WNK2: variants seen among roughly 807,000 people sequenced by gnomAD.
WNK2 encodes the protein WNK lysine deficient protein kinase 2.
A neutral mutation model predicts 192.1 loss-of-function variants in WNK2; 67 were observed. The observed-to-expected ratio is 0.35, with a 90% CI of 0.29 to 0.43. The LOEUF (loss-of-function observed/expected upper bound fraction) is 0.43, where lower values mean the gene tolerates loss of function less well. Among genes scored for constraint, WNK2 ranks in the 20% least tolerant of loss-of-function variants. WNK2 has a pLI of 1.00. For synonymous variants in WNK2, 1,439 were observed against 1,393.9 expected (o/e 1.03, Z -0.72); for missense variants, 2,698 against 3,089.7 (o/e 0.87, Z 3.01).
rs1362890901 is a variant in WNK2 at position 93,239,074 on chromosome 9, T to C, written c.1323-683T>C. Among the ~76,000 whole-genome samples, 1 of 152,198 alleles carries C rather than the reference T, an allele frequency of 6.6e-6. No homozygotes were observed. The highest frequency in any genetic ancestry group is 2.4e-5 in the African/African-American group (1 of 41,450). ...TCCATTTATAGGGTAAAGGGGGTTATAGGTTAGTGGTTAGGGAGGCTTCTT... is the reference window on the plus strand; with the variant it reads ...TCCATTTATAGGGTAAAGGGGGTTACAGGTTAGTGGTTAGGGAGGCTTCTT... On this transcript the variant is annotated intron_variant, in intron 6 of 29. Coordinates refer to ENST00000427277, the MANE Select transcript of WNK2 (RefSeq NM_006648.4). The surrounding 1 kb of genome is among the most constrained non-coding windows in gnomAD (Gnocchi z 4.2).
rs1845401859 is a variant in WNK2 at position 93,267,781 on chromosome 9, A to C, written c.3732A>C (p.Glu1244Asp). The C allele has an allele frequency of 6.2e-7, 1 of 1,609,660 alleles. No homozygotes were observed. The change falls in exon 17 of 30, where the codon GAA becomes GAC. Residue 1244 changes from glutamate (E) to aspartate (D), a missense_variant. This residue lies in a region of WNK2 where 1,098 missense variants were observed against 1,101.0 expected (regional missense o/e 1.00). Coordinates refer to ENST00000427277, the MANE Select transcript of WNK2 (RefSeq NM_006648.4). Reference protein sequence around the residue: ...EHDFILQAERETFIEQMKDVM... With the variant: ...EHDFILQAERDTFIEQMKDVM... ...ACTTTATCCTGCAGGCCGAGCGGGA[A>C]ACGTTCATCGAGCAGATGAAGGATG...
chr9:93,285,517 G>A (rs991735679), intron 19 of WNK2, among the ~76,000 whole-genome samples: 3 of 152,056 alleles, frequency 2.0e-5, no homozygotes, highest in East Asian at 1.9e-4. Flanking sequence ...TGAATCTAAC[G>A]AAAAGTATGT....
At chr9:93,200,601 G>T (rs1483946705) in intron 2 of WNK2, among the ~76,000 whole-genome samples, 3 of 152,192 alleles carry the variant, frequency 2.0e-5, no homozygotes, top group Admixed American at 6.5e-5. Flanking sequence ...AGTGAACTTG[G>T]CACCCTCGTT....
At chr9:93,219,694 GCTC>G (rs1224348660) in intron 2 of WNK2, among the ~76,000 whole-genome samples, 2 of 152,232 alleles carry the variant, frequency 1.3e-5, no homozygotes, top group Admixed American at 6.5e-5. Context: ...CTATGTGGGG[GCTC>G]CTTTGCTTTT....
At chr9:93,299,017 C>A in intron 24 of WNK2, 53 bp from the exon 25 acceptor site, 1 of 1,549,610 alleles carries the variant, frequency 6.5e-7, no homozygotes, top group Non-Finnish European at 8.7e-7. Context: ...ATCCACACGG[C>A]CCCGACCCGG....
chr9:93,261,679 C>T, intron 12 of WNK2, 135 bp from the exon 13 acceptor site: 1 of 990,204 alleles, frequency 1.0e-6, no homozygotes, highest in Non-Finnish European at 1.5e-6. Flanking sequence ...GAGACAGGGA[C>T]TCCCCTTGGG....
At chr9:93,274,748 ATTCATTC>A (rs1448154357) in intron 19 of WNK2, among the ~76,000 whole-genome samples, 1 of 152,206 alleles carries the variant, frequency 6.6e-6, no homozygotes, top group African/African-American at 2.4e-5. Context: ...CTGTTTTTAA[ATTCATTC>A]TTTTAATAAT....
At chr9:93,269,804 T>C (rs1845767322) in intron 19 of WNK2, among the ~76,000 whole-genome samples, 1 of 152,204 alleles carries the variant, frequency 6.6e-6, no homozygotes, top group Admixed American at 6.5e-5. Context: ...CTGAGTGACC[T>C]CAGGAAACCT....
chr9:93,314,282 CAAATA>C (rs2134393319), intron 28 of WNK2, among the ~76,000 whole-genome samples: 1 of 151,394 alleles, frequency 6.6e-6, no homozygotes, highest in Non-Finnish European at 1.5e-5. Context: ...AAGTCCGTCT[CAAATA>C]AAAATAAAAA....
chr9:93,317,740 G>T, intron 29 of WNK2, 109 bp downstream of exon 29: 2 of 1,483,690 alleles, frequency 1.3e-6, no homozygotes. Context: ...GGCCAGGTGG[G>T]CCAGCTGGGG....
At position 93,263,703 on chromosome 9, in the gene WNK2, G is replaced by A; in HGVS notation, c.3548G>A (p.Arg1183Lys). 6.5e-7 allele frequency: 1 copy of A among 1,539,760 alleles called. No individual in the cohort carries two copies. ...ACGCGTGCGCGCTCCCGGCAGGAGA[G>A]GGCCAGCCGGCCCCGGCTTACCATC... ...RSTRARSRQE[R>K]ASRPRLTILN... The change falls in exon 15 of 30, where the codon AGG (arginine) becomes AAG (lysine). Residue 1183 changes from arginine to lysine, a missense_variant. Transcript: ENST00000427277.
At chr9:93,240,957 T>C (rs768441763) in intron 7 of WNK2, among the ~76,000 whole-genome samples, 7 of 152,254 alleles carry the variant, frequency 4.6e-5, no homozygotes, top group Non-Finnish European at 1.0e-4. Flanking sequence ...TGGAATGTTC[T>C]GTGGGGCACT....
chr9:93,299,389 TTA>T lies in WNK2; in HGVS notation c.6115+129_6115+130del, dbSNP rs540843900. On this transcript the variant is annotated intron_variant, in intron 25 of 29. Transcript: ENST00000427277. ...GGCAAAGGCTGTTGAGAGGCTTCTT[TTA>T]AAAAGGATAAAAAAAAAAAGGTGTA... The T allele has an allele frequency of 1.5e-4, 149 of 968,818 alleles. No homozygotes were observed. In the African/African-American group the frequency reaches 2.2e-3, roughly 14 times the overall value. 60.0% of individuals were successfully genotyped at this position (968,818 alleles called of 1,614,324 possible). A position where few individuals can be genotyped will look rare whatever the true frequency, so the allele number is the denominator to read the frequency against.
At position 93,247,815 on chromosome 9, in the gene WNK2, C is replaced by A; in HGVS notation, c.1815C>A (p.Thr605=). 6.5e-7 allele frequency: 1 copy of A among 1,540,328 alleles called. No homozygotes were observed. The highest frequency in any genetic ancestry group is 1.4e-5 in the African/African-American group (1 of 73,162). ...ACCTCCTGCCACCTACGTTGCCGAC[C>A]AGCGCCACCTCCCTGGCCTGTGAGT... The part of the protein sequence containing the change: ...DQHLLPPTLP[T]SATSLASDST... Residue 605 remains threonine (T), a synonymous_variant, in exon 8 of 30, where the codon ACC becomes ACA. Transcript: ENST00000427277. The surrounding 1 kb of genome is among the most constrained non-coding windows in gnomAD (Gnocchi z 5.2).
intron 27 of WNK2, chr9:93,307,956 A>G (rs1330825811): frequency 3.9e-6 from 1 of 256,934 alleles, no homozygotes; most frequent in Non-Finnish European, 7.5e-6. Flanking sequence ...TCTAGGCACC[A>G]TGACTCCGAA....
At chr9:93,238,665 G>T (rs948550916) in intron 6 of WNK2, among the ~76,000 whole-genome samples, 2 of 152,240 alleles carry the variant, frequency 1.3e-5, no homozygotes, top group Non-Finnish European at 1.5e-5. Context: ...CTTCTCTCCA[G>T]CCTCTCTGCT....
At chr9:93,276,047 C>T (rs184334061) in intron 19 of WNK2, among the ~76,000 whole-genome samples, 1 of 152,312 alleles carries the variant, frequency 6.6e-6, no homozygotes, top group African/African-American at 2.4e-5. Context: ...TCTGTAGATG[C>T]ATTGCAGTAA....
chr9:93,274,778 A>G (rs1176115448), intron 19 of WNK2, among the ~76,000 whole-genome samples: 2 of 152,186 alleles, frequency 1.3e-5, no homozygotes, highest in Admixed American at 1.3e-4. Context: ...ATTTGTTGTT[A>G]AAAATCTCCC....
intron 26 of WNK2, among the ~76,000 whole-genome samples, chr9:93,305,723 G>A (rs745741615): frequency 7.9e-5 from 12 of 152,232 alleles, no homozygotes; most frequent in African/African-American, 2.7e-4. Context: ...GAAGGCAGAC[G>A]TTGCCAGGTT....
Sources: allele counts gnomAD v4.1 joint callset (sites outside exome capture counted in the v4.1 genomes callset), GRCh38; gene constraint gnomAD v4.1.1; regional missense constraint gnomAD v4.1.1; non-coding constraint Gnocchi (gnomAD v3.1); transcripts MANE v1.5; gene names NCBI Gene and HGNC (gene_info 2026-07-23, HGNC 2026-07-21).